LAMA1: variants seen among roughly 807,000 people sequenced by gnomAD.
The protein encoded by LAMA1 is laminin subunit alpha-1.
In LAMA1, 219 loss-of-function variants were observed where a neutral mutation model predicts 348.7. The ratio of observed to expected loss-of-function variants is 0.63; its 90% CI spans 0.56 to 0.70. LAMA1 has a LOEUF of 0.70. Among genes scored for constraint, LAMA1 ranks in the 30% least tolerant of loss-of-function variants. The probability of loss-of-function intolerance (pLI) is 0.00; values close to 1 mark genes in which losing one functional copy is unlikely to be tolerated. For missense variants in LAMA1, 3,744 were observed against 3,888.0 expected, an observed-to-expected ratio of 0.96 and a Z score of 0.99; for synonymous variants, 1,487 against 1,491.0, an observed-to-expected ratio of 1.00 and a Z score of 0.06.
intron 1 of LAMA1, among the ~76,000 whole-genome samples, chr18:7,103,824 A>T (rs936929835): frequency 1.7e-4 from 26 of 151,030 alleles, no homozygotes; most frequent in African/African-American, 6.3e-4. Context: ...GTCTTAAAAA[A>T]AAAAAAATCC....
At chr18:6,970,291 A>G (rs1024608458) in intron 48 of LAMA1, among the ~76,000 whole-genome samples, 1 of 152,200 alleles carries the variant, frequency 6.6e-6, no homozygotes, top group African/African-American at 2.4e-5. Context: ...TCAAAAAAAA[A>G]TCCTGTGACA....
chr18:7,023,430 C>T (rs936557849), intron 18 of LAMA1, 55 bp from the exon 19 acceptor site: 8 of 1,441,196 alleles, frequency 5.6e-6, no homozygotes, highest in African/African-American at 2.8e-5. Context: ...AAGGCCTTAC[C>T]GCACTATCCA....
rs1019674905 is a variant in LAMA1 at position 7,012,255 on chromosome 18, CATT to C, written c.3364-120_3364-118del. The C allele has an allele frequency of 5.3e-6, 6 of 1,131,824 alleles. No individual in the cohort carries two copies. In the African/African-American group the frequency reaches 9.3e-5, roughly 18 times the overall value. 70.1% of individuals were successfully genotyped at this position (1,131,824 alleles called of 1,614,324 possible). ...TTAAACATAATTATAGATGCACAAA[CATT>C]AGTTTCCTCTAGCCAGGCCCGGAGC... On this transcript the variant is annotated intron_variant, in intron 23 of 62. Coordinates refer to ENST00000389658, the MANE Select transcript of LAMA1 (RefSeq NM_005559.4).
At chr18:6,954,848 T>C (rs1027816037) in intron 57 of LAMA1, 3 of 218,664 alleles carry the variant, frequency 1.4e-5, no homozygotes, top group Non-Finnish European at 1.8e-5. Context: ...AGGAGCAACA[T>C]GGAGTCCGGG....
At chr18:7,007,018 T>C in intron 29 of LAMA1, 121 bp downstream of exon 29, 8 of 1,380,804 alleles carry the variant, frequency 5.8e-6, no homozygotes, top group Non-Finnish European at 8.0e-6. Context: ...TTATATTTTA[T>C]ATTTAGCTAA....
intron 1 of LAMA1, among the ~76,000 whole-genome samples, chr18:7,107,845 T>A (rs2058319493): frequency 6.6e-6 from 1 of 150,702 alleles, no homozygotes; most frequent in Non-Finnish European, 1.5e-5. Context: ...AAACCCCGTC[T>A]CTACTAAAAA....
chr18:6,975,913 G>C lies in LAMA1; in HGVS notation c.6489+24C>G, dbSNP rs150449796. The stretch of plus-strand genomic sequence containing the variant: ...AGAAGTGCATAAAAGATTCAGTGTC[G>C]CTTTCCAAAGGTCCATAACTTACAG... On this transcript the variant is annotated intron_variant, in intron 45 of 62. Transcript: ENST00000389658. 1.9e-6 allele frequency: 3 copies of C among 1,613,650 alleles called. No individual in the cohort carries two copies. In the South Asian group the frequency reaches 3.3e-5, roughly 18 times the overall value.
rs2057927291 is a variant in LAMA1 at position 7,023,358 on chromosome 18, T to C, written c.2507A>G (p.Tyr836Cys). 1 of 1,614,150 alleles carries C rather than the reference T, an allele frequency of 6.2e-7. No individual in the cohort carries two copies. Among genetic ancestry groups the C allele is most frequent in the South Asian group, 1.1e-5 (1 of 91,080 alleles). The change falls in exon 19 of 63, where the codon TAT (tyrosine) becomes TGT (cysteine). Residue 836 changes from tyrosine to cysteine, a missense_variant. By Grantham distance (194) the Tyr-to-Cys change is radical (BLOSUM62 -2). Coordinates refer to ENST00000389658, the MANE Select transcript of LAMA1 (RefSeq NM_005559.4). ...AWCERCADGY[Y>C]GNPTVPGESC... is the part of the protein sequence containing the mutation. Reference sequence around the variant, plus strand: ...TTCGCCAGGCACTGTTGGGTTTCCATAGTAACCATCTGCACATCTGTATCA... The same window carrying C: ...TTCGCCAGGCACTGTTGGGTTTCCACAGTAACCATCTGCACATCTGTATCA...
intron 19 of LAMA1, among the ~76,000 whole-genome samples, chr18:7,018,005 T>G (rs548910016): frequency 6.6e-6 from 1 of 152,178 alleles, no homozygotes; most frequent in Admixed American, 6.5e-5. Flanking sequence ...TAATCAATAT[T>G]CACAGGGGAA....
rs189781640 is a variant in LAMA1 at position 7,093,741 on chromosome 18, T to C, written c.62-13284A>G. 3.2e-3 allele frequency among the ~76,000 whole-genome samples: 486 copies of C among 151,248 alleles called. 2 individuals carry two copies. The highest frequency in any genetic ancestry group is 0.015 in the South Asian group (71 of 4,756). ...AACTAAGATTTAATTATGCACAAGGTAGAGAGATAAGAATTACTGCAGGGT... is the reference window on the plus strand; with the variant it reads ...AACTAAGATTTAATTATGCACAAGGCAGAGAGATAAGAATTACTGCAGGGT... On this transcript the variant is annotated intron_variant, in intron 1 of 62. Coordinates refer to ENST00000389658, the MANE Select transcript of LAMA1 (RefSeq NM_005559.4).
chr18:7,007,086 C>CA (rs1388490735), intron 29 of LAMA1, 53 bp downstream of exon 29: 1 of 1,606,012 alleles, frequency 6.2e-7, no homozygotes. Context: ...ATCTGACACT[C>CA]AGCGTCCACT....
At chr18:6,982,711 G>A (rs957122397) in intron 40 of LAMA1, 121 bp from the exon 41 acceptor site, 9 of 845,770 alleles carry the variant, frequency 1.1e-5, no homozygotes, top group Admixed American at 1.8e-5. Context: ...AAGTCAGCCA[G>A]GTACCAGGTA....
intron 46 of LAMA1, among the ~76,000 whole-genome samples, chr18:6,973,484 T>G: frequency 6.6e-6 from 1 of 152,260 alleles, no homozygotes; most frequent in Non-Finnish European, 1.5e-5. Flanking sequence ...TATTATCCCA[T>G]TTTGTAAATT....
intron 55 of LAMA1, 116 bp from the exon 56 acceptor site, chr18:6,956,881 C>T: frequency 8.7e-7 from 1 of 1,146,988 alleles, no homozygotes; most frequent in East Asian, 2.5e-5. Context: ...ATATATTTCT[C>T]TTAGAGTAAC....
At chr18:7,109,884 G>C (rs1377083114) in intron 1 of LAMA1, among the ~76,000 whole-genome samples, 1 of 152,104 alleles carries the variant, frequency 6.6e-6, no homozygotes, top group Non-Finnish European at 1.5e-5. Context: ...TCACAGACCC[G>C]ATAAAAAGCA....
At chr18:7,037,195 A>G (rs1217770367) in intron 12 of LAMA1, among the ~76,000 whole-genome samples, 1 of 152,192 alleles carries the variant, frequency 6.6e-6, no homozygotes. Flanking sequence ...TGTTTCTTGT[A>G]TGCCAGGCCC....
chr18:7,037,784 A>G, intron 11 of LAMA1, 33 bp from the exon 12 acceptor site: 2 of 1,606,028 alleles, frequency 1.2e-6, no homozygotes, highest in Non-Finnish European at 1.7e-6. Flanking sequence ...TTGAAGTATG[A>G]AATAGAACTT....
intron 1 of LAMA1, among the ~76,000 whole-genome samples, chr18:7,085,389 T>A (rs1274020410): frequency 6.6e-6 from 1 of 150,894 alleles, no homozygotes; most frequent in Non-Finnish European, 1.5e-5. Flanking sequence ...CCATTTATTT[T>A]ACTCTTTTTT....
chr18:7,087,047 G>T (rs1372036736), intron 1 of LAMA1, among the ~76,000 whole-genome samples: 1 of 152,148 alleles, frequency 6.6e-6, no homozygotes, highest in Non-Finnish European at 1.5e-5. Flanking sequence ...TAGAAATAGA[G>T]AGAAAAATTA....
Sources: allele counts gnomAD v4.1 joint callset (sites outside exome capture counted in the v4.1 genomes callset), GRCh38; gene constraint gnomAD v4.1.1; transcripts MANE v1.5; gene names NCBI Gene and HGNC (gene_info 2026-07-23, HGNC 2026-07-21).